Variants in PRH1 observed in about 807,000 individuals in gnomAD.
PRH1 encodes proline rich protein HaeIII subfamily 1.
In PRH1, 7 loss-of-function variants were observed where a neutral mutation model predicts 7.9. The ratio of observed to expected loss-of-function variants is 0.89; its 90% CI spans 0.50 to 1.67. The LOEUF is 1.67. Ranked by LOEUF, PRH1 falls within the 40% of genes most tolerant of loss-of-function variation. The pLI, the probability that PRH1 is intolerant of heterozygous loss-of-function variation, is 0.00. For missense variants in PRH1, 109 were observed against 223.6 expected (o/e 0.49, Z 3.27); for synonymous variants, 45 against 80.8 (o/e 0.56, Z 2.38).
At chr12:11,049,159 A>G, upstream of PRH1, 1 of 383,776 alleles carries the variant, frequency 2.6e-6, no homozygotes, top group Admixed American at 7.9e-5. Context: ...AACCCACTCA[A>G]GGACACCTAC....
chr12:10,905,518 T>C (rs11054069), intron 2 of PRH1, among the ~76,000 whole-genome samples: 34,039 of 151,904 alleles, frequency 0.22, 3,934 homozygotes, highest in Non-Finnish European at 0.25. Context: ...ATACAAAAAT[T>C]AGCCGGGCGT....
chr12:10,919,549 A>C (rs1305608888), intron 2 of PRH1, among the ~76,000 whole-genome samples: 1 of 152,294 alleles, frequency 6.6e-6, no homozygotes, highest in African/African-American at 2.4e-5. Context: ...GTTTTAAAGA[A>C]TTGTTTTCAA....
At chr12:11,039,197 AT>A (rs1220227426) in intron 1 of PRH1, among the ~76,000 whole-genome samples, 1 of 152,178 alleles carries the variant, frequency 6.6e-6, no homozygotes, top group African/African-American at 2.4e-5. Flanking sequence ...TCATGTCTGA[AT>A]TTTTTTAAAG....
At chr12:11,152,699 C>A (rs1187889581) in intron 1 of PRH1, among the ~76,000 whole-genome samples, 1 of 152,132 alleles carries the variant, frequency 6.6e-6, no homozygotes, top group Non-Finnish European at 1.5e-5. Flanking sequence ...GCTGTGCTCT[C>A]CCACTGTGGG....
At chr12:11,066,945 T>C (rs1943846903) in intron 1 of PRH1, among the ~76,000 whole-genome samples, 1 of 152,168 alleles carries the variant, frequency 6.6e-6, no homozygotes, top group Admixed American at 6.5e-5. Flanking sequence ...GGATTCTATT[T>C]TGGGGCTTTT....
At chr12:11,118,243 C>CA (rs1359814860), downstream of PRH1, among the ~76,000 whole-genome samples, 9 of 151,924 alleles carry the variant, frequency 5.9e-5, no homozygotes, top group African/African-American at 2.2e-4. Flanking sequence ...ACAATCTGAT[C>CA]AAAAAAATGG....
rs1249922139 is a variant in PRH1 at position 10,986,305 on chromosome 12, T to A, written c.-125-12584A>T. On this transcript the variant is annotated intron_variant, in intron 1 of 3. Transcript: ENST00000539853. ...GATATCAGGGACAGAGTAAAGGGTA[T>A]GAAGCTCCATAGGGTAGTTACAGTC... The A allele has an allele frequency of 1.2e-6, 2 of 1,613,946 alleles. No homozygotes were observed. The highest frequency in any genetic ancestry group is 1.7e-6 in the Non-Finnish European group (2 of 1,180,014).
At chr12:11,000,171 T>C (rs1007425038) in intron 1 of PRH1, among the ~76,000 whole-genome samples, 4 of 152,140 alleles carry the variant, frequency 2.6e-5, no homozygotes, top group African/African-American at 9.6e-5. Context: ...CTCCAGTCTC[T>C]TTATCGCTAT....
At chr12:11,160,668 A>G (rs1331081732) in intron 1 of PRH1, among the ~76,000 whole-genome samples, 1 of 151,980 alleles carries the variant, frequency 6.6e-6, no homozygotes, top group African/African-American at 2.4e-5. Context: ...ACGGGGTTTC[A>G]CCATATTGGC....
chr12:11,123,808 T>A (rs1279128704), intron 1 of PRH1, among the ~76,000 whole-genome samples: 1 of 152,220 alleles, frequency 6.6e-6, no homozygotes, highest in Non-Finnish European at 1.5e-5. Flanking sequence ...ACTCTGTCTA[T>A]TGGATTCTCA....
intron 1 of PRH1, among the ~76,000 whole-genome samples, chr12:11,029,051 A>G (rs749299557): frequency 6.6e-6 from 1 of 152,304 alleles, no homozygotes; most frequent in Non-Finnish European, 1.5e-5. Flanking sequence ...CTGGGAGTCA[A>G]CAGAAAGCAA....
intron 1 of PRH1, among the ~76,000 whole-genome samples, chr12:11,096,899 G>A (rs1945082903): frequency 1.8e-5 from 2 of 113,664 alleles, no homozygotes; most frequent in South Asian, 2.4e-4. Flanking sequence ...CGGGGTTCAC[G>A]CCATTCTCCT....
intron 1 of PRH1, among the ~76,000 whole-genome samples, chr12:10,995,808 G>A (rs766274528): frequency 3.3e-5 from 5 of 152,122 alleles, no homozygotes; most frequent in East Asian, 1.9e-4. Context: ...TTCTAATTGC[G>A]TATGGAAACT....
intron 1 of PRH1, among the ~76,000 whole-genome samples, chr12:11,005,474 T>C (rs1328241462): frequency 6.6e-6 from 1 of 152,150 alleles, no homozygotes; most frequent in Non-Finnish European, 1.5e-5. Flanking sequence ...GTGGATTGAT[T>C]TTTTAAATGT....
intron 2 of PRH1, among the ~76,000 whole-genome samples, chr12:10,956,284 A>G (rs1023901488): frequency 3.3e-5 from 5 of 152,224 alleles, no homozygotes; most frequent in African/African-American, 1.2e-4. Flanking sequence ...GTAAATCAAT[A>G]TATGTGATTC....
chr12:10,905,521 C>T (rs1949790541), intron 2 of PRH1, among the ~76,000 whole-genome samples: 3 of 152,034 alleles, frequency 2.0e-5, no homozygotes, highest in Admixed American at 2.0e-4. Flanking sequence ...CAAAAATTAG[C>T]CGGGCGTCCT....
At chr12:10,912,141 T>C (rs1295773919) in intron 2 of PRH1, among the ~76,000 whole-genome samples, 1 of 152,168 alleles carries the variant, frequency 6.6e-6, no homozygotes, top group Non-Finnish European at 1.5e-5. Context: ...CTGTATAGTA[T>C]TAATGGAATG....
chr12:11,103,545 G>T (rs951578482), intron 1 of PRH1, among the ~76,000 whole-genome samples: 13 of 151,584 alleles, frequency 8.6e-5, no homozygotes, highest in South Asian at 2.1e-4. Flanking sequence ...GTTGTGGGGT[G>T]GGGGGAGGAG....
rs1591988538 is a variant in PRH1 at position 11,087,872 on chromosome 12, G to A, written n.124-40684C>T. 1.7e-5 allele frequency among the ~76,000 whole-genome samples: 2 copies of A among 115,478 alleles called. 1 individual carries two copies. Among genetic ancestry groups the A allele is most frequent in the Non-Finnish European group, 4.1e-5 (2 of 48,952 alleles). 75.8% of individuals were successfully genotyped at this position (115,478 alleles called of 152,430 possible). On this transcript the variant is annotated intron_variant and non_coding_transcript_variant, in intron 1 of 4. Transcript: ENST00000541977. ...AGCAGAGCTTCTGGTACTTTTTACC[G>A]GGCTTGTGATTTGGTGAATGGTTCT... is the stretch of plus-strand genomic sequence containing the variant.
Sources: allele counts gnomAD v4.1 joint callset (sites outside exome capture counted in the v4.1 genomes callset), GRCh38; gene constraint gnomAD v4.1.1; transcripts MANE v1.5; gene names NCBI Gene and HGNC (gene_info 2026-07-23, HGNC 2026-07-21).